The following FBXO10 variants were observed in gnomAD, a reference collection of about 807,000 sequenced individuals.
FBXO10 encodes the protein F-box only protein 10.
FBXO10 carries 39 observed loss-of-function variants against 80.7 expected under a neutral mutation model. The ratio of observed to expected loss-of-function variants is 0.48; its 90% CI spans 0.37 to 0.63. The LOEUF is 0.63. FBXO10 is among the 30% of genes least tolerant of loss of function. The pLI is 0.00. For synonymous variants in FBXO10, 449 were observed against 489.6 expected (o/e 0.92, Z 1.09); for missense variants, 1,025 against 1,269.0 (o/e 0.81, Z 2.92).
At chr9:37,562,966 G>A (rs1317165596) in intron 1 of FBXO10, among the ~76,000 whole-genome samples, 2 of 147,728 alleles carry the variant, frequency 1.4e-5, no homozygotes, top group East Asian at 3.9e-4. Context: ...GCCTGATATG[G>A]TTTGGCTGTG....
chr9:37,518,502 G>A (rs1821242930), intron 8 of FBXO10, 64 bp from the exon 9 acceptor site: 9 of 1,407,990 alleles, frequency 6.4e-6, no homozygotes, highest in Non-Finnish European at 8.6e-6. Context: ...CACCAGTCAG[G>A]AAAAGCCTTC....
At chr9:37,521,292 C>T (rs1821338965) in intron 8 of FBXO10, among the ~76,000 whole-genome samples, 3 of 147,860 alleles carry the variant, frequency 2.0e-5, no homozygotes, top group African/African-American at 7.7e-5. Flanking sequence ...GAGCACCTCT[C>T]CCTGGCCCCC....
At chr9:37,538,864 A>G (rs1821848421) in intron 2 of FBXO10, among the ~76,000 whole-genome samples, 1 of 152,156 alleles carries the variant, frequency 6.6e-6, no homozygotes. Flanking sequence ...GCACTCAATA[A>G]AAGTCAGTTA....
chr9:37,553,904 G>A (rs1407560374), intron 1 of FBXO10, among the ~76,000 whole-genome samples: 15 of 74,828 alleles, frequency 2.0e-4, no homozygotes, highest in South Asian at 8.4e-4. Context: ...CAAAAAGAGC[G>A]AAAGTCTGCC....
intron 1 of FBXO10, among the ~76,000 whole-genome samples, chr9:37,567,598 A>G (rs1427641051): frequency 6.6e-6 from 1 of 152,202 alleles, no homozygotes; most frequent in Non-Finnish European, 1.5e-5. Flanking sequence ...GAGTTTATAT[A>G]TATGTGATGG....
rs1243903481 is a variant in FBXO10, at chr9:37,537,537, G to A, written c.992C>T (p.Ser331Phe). 1 of 1,613,152 alleles carries A rather than the reference G, an allele frequency of 6.2e-7. No individual in the cohort carries two copies. Among genetic ancestry groups the A allele is most frequent in the Non-Finnish European group, 8.5e-7 (1 of 1,179,566 alleles). ...CTCTGCCTCCTGTGAGCCAGCCTTGGAGCCTGGCTTTGGGGAGCTAGAGGC... is the reference window on the plus strand; with the variant it reads ...CTCTGCCTCCTGTGAGCCAGCCTTGAAGCCTGGCTTTGGGGAGCTAGAGGC... ...SPASSSPKPGSKAGSQEAEVG... is the reference protein window; with the variant it reads ...SPASSSPKPGFKAGSQEAEVG... Residue 331 changes from serine (S) to phenylalanine (F), a missense_variant, in exon 3 of 11, where the codon TCC (serine) becomes TTC (phenylalanine). By Grantham distance (155) the Ser-to-Phe change is radical (BLOSUM62 -2). Coordinates refer to ENST00000432825, the MANE Select transcript of FBXO10 (RefSeq NM_012166.3).
In FBXO10 at chr9:37,537,670, C is replaced by T; in HGVS notation, c.859G>A (p.Glu287Lys). 3.7e-6 allele frequency: 6 copies of T among 1,614,022 alleles called. No homozygotes were observed. The highest frequency in any genetic ancestry group is 5.1e-6 in the Non-Finnish European group (6 of 1,179,900). The part of the protein sequence containing the change: ...IKSSPTFLPT[E>K]DSDFLMSLDL... ...AGGGACATTAAAAAGTCAGAGTCCT[C>T]TGTGGGGAGAAAAGTGGGTGAGGAC... Residue 287 changes from glutamate to lysine, a missense_variant, in exon 3 of 11, where the codon GAG (glutamate) becomes AAG (lysine). Physicochemically the swap from Glu to Lys is moderately conservative, Grantham distance 56. Transcript: ENST00000432825.
chr9:37,544,789 T>C (rs1039344805), intron 1 of FBXO10, among the ~76,000 whole-genome samples: 1 of 151,540 alleles, frequency 6.6e-6, no homozygotes, highest in Non-Finnish European at 1.5e-5. Context: ...GGTCAGGAGA[T>C]CGAGACCATC....
chr9:37,563,747 C>G (rs13290245), intron 1 of FBXO10, among the ~76,000 whole-genome samples: 1 of 152,018 alleles, frequency 6.6e-6, no homozygotes, highest in South Asian at 2.1e-4. Context: ...AACTTCTAAA[C>G]GACAAAGCAT....
intron 2 of FBXO10, among the ~76,000 whole-genome samples, chr9:37,539,930 G>A (rs1821869491): frequency 6.6e-6 from 1 of 152,160 alleles, no homozygotes; most frequent in South Asian, 2.1e-4. Context: ...AAGTCACCTA[G>A]ATTATGAATA....
At chr9:37,519,034 T>A (rs939023270) in intron 8 of FBXO10, among the ~76,000 whole-genome samples, 4 of 151,928 alleles carry the variant, frequency 2.6e-5, no homozygotes, top group Admixed American at 1.3e-4. Context: ...CTCAGCCTCC[T>A]GAGTGGCTGG....
intron 1 of FBXO10, among the ~76,000 whole-genome samples, chr9:37,572,497 A>G (rs1822785148): frequency 6.6e-6 from 1 of 152,280 alleles, no homozygotes; most frequent in Non-Finnish European, 1.5e-5. Flanking sequence ...GGCAACGAAA[A>G]TAAGTGAGGC....
At chr9:37,532,116 A>C in intron 3 of FBXO10, 58 bp from the exon 4 acceptor site, 1 of 1,532,656 alleles carries the variant, frequency 6.5e-7, no homozygotes, top group Non-Finnish European at 8.8e-7. Flanking sequence ...TTTAGAAACC[A>C]CTGGAGGAAC....
chr9:37,550,169 G>GTTTTTTTTTTTTTTTTTTTTTTTTTTT lies in FBXO10; in HGVS notation c.-6-8422_-6-8396dup, dbSNP rs74171511. Reference sequence around the variant, plus strand: ...CAGTTTTCTTTTTTTGTCGTCTCAGGTTTTTTTTTTTTTTTTTTTTTTTTT... The same window carrying GTTTTTTTTTTTTTTTTTTTTTTTTTTT: ...CAGTTTTCTTTTTTTGTCGTCTCAGGTTTTTTTTTTTTTTTTTTTTTTTTTTTTTTTTTTTTTTTTTTTTTTTTTTTT... On this transcript the variant is annotated intron_variant, in intron 1 of 10. Transcript: ENST00000432825. Among the ~76,000 whole-genome samples, 5 of 68,008 alleles carry GTTTTTTTTTTTTTTTTTTTTTTTTTTT rather than the reference G, an allele frequency of 7.4e-5. 1 individual carries two copies. The highest frequency in any genetic ancestry group is 1.1e-4 in the Non-Finnish European group (4 of 34,956). 44.6% of individuals were successfully genotyped at this position (68,008 alleles called of 152,430 possible).
intron 1 of FBXO10, among the ~76,000 whole-genome samples, chr9:37,560,313 C>G (rs79651343): frequency 2.6e-5 from 4 of 152,290 alleles, no homozygotes; most frequent in Non-Finnish European, 5.9e-5. Context: ...GACGTAGAAA[C>G]TACTGGAGCT....
chr9:37,541,463 G>A lies in FBXO10; in HGVS notation c.306C>T (p.Arg102=). Residue 102 remains arginine (R), a synonymous_variant, in exon 2 of 11, where the codon CGC becomes CGT. Coordinates refer to ENST00000432825, the MANE Select transcript of FBXO10 (RefSeq NM_012166.3). ...TCAGGGTACGTCGTTCCCTCCTCCGGCGGAATAGAGAAAAGCAGATGGAAG... is the reference window on the plus strand; with the variant it reads ...TCAGGGTACGTCGTTCCCTCCTCCGACGGAATAGAGAAAAGCAGATGGAAG... ...LESSICFSLF[R]RRRERRTLSV... is the part of the protein sequence containing the mutation. 6.2e-7 allele frequency: 1 copy of A among 1,614,008 alleles called. No homozygotes were observed. Among genetic ancestry groups the A allele is most frequent in the Non-Finnish European group, 8.5e-7 (1 of 1,179,880 alleles).
At chr9:37,531,701 G>C (rs980515347) in intron 4 of FBXO10, among the ~76,000 whole-genome samples, 3 of 152,224 alleles carry the variant, frequency 2.0e-5, no homozygotes, top group Middle Eastern at 3.4e-3. Context: ...CCTTATTAAC[G>C]GGGAGATGAC....
rs1051946319 is a variant in FBXO10, at chr9:37,569,478, A to T, written c.-7+6733T>A. ...ATTTAAACACATCCCTCTATAATTCATAGGAAAAAAAAAAACACCCAGTAA... is the reference window on the plus strand; with the variant it reads ...ATTTAAACACATCCCTCTATAATTCTTAGGAAAAAAAAAAACACCCAGTAA... On this transcript the variant is annotated intron_variant, in intron 1 of 10. Transcript: ENST00000432825. 4.3e-5 allele frequency among the ~76,000 whole-genome samples: 6 copies of T among 139,420 alleles called. No individual in the cohort carries two copies. In the Admixed American group the frequency reaches 4.4e-4, roughly 10 times the overall value. The allele number at this position is 139,420 out of a possible 152,430, so 91.5% of individuals were successfully genotyped here.
chr9:37,555,958 T>C (rs1276240401), intron 1 of FBXO10, among the ~76,000 whole-genome samples: 2 of 152,270 alleles, frequency 1.3e-5, no homozygotes, highest in Admixed American at 6.5e-5. Flanking sequence ...CTTTGTGGTT[T>C]TGACTTTTAC....
Sources: allele counts gnomAD v4.1 joint callset (sites outside exome capture counted in the v4.1 genomes callset), GRCh38; gene constraint gnomAD v4.1.1; transcripts MANE v1.5; gene names NCBI Gene and HGNC (gene_info 2026-07-23, HGNC 2026-07-21).